Variants in EIPR1 observed in about 807,000 individuals in gnomAD.
The protein encoded by EIPR1 is EARP and GARP complex-interacting protein 1.
Under a neutral mutation model 48.1 loss-of-function variants are expected in EIPR1, and 25 were observed. That is an observed-to-expected ratio of 0.52 (90% CI 0.38 to 0.73). The LOEUF (loss-of-function observed/expected upper bound fraction) is 0.73, where lower values mean the gene tolerates loss of function less well. Among genes scored for constraint, EIPR1 ranks in the 30% least tolerant of loss-of-function variants. The pLI, the probability that EIPR1 is intolerant of heterozygous loss-of-function variation, is 0.00. For synonymous variants in EIPR1, 204 were observed against 201.9 expected, an observed-to-expected ratio of 1.01 and a Z score of -0.09; for missense variants, 415 against 506.2, an observed-to-expected ratio of 0.82 and a Z score of 1.73.
At chr2:3,227,062 T>G (rs984962758) in intron 4 of EIPR1, among the ~76,000 whole-genome samples, 1 of 152,212 alleles carries the variant, frequency 6.6e-6, no homozygotes, top group Non-Finnish European at 1.5e-5. Context: ...AAATTGGTAC[T>G]GCAGAGAGTG....
intron 1 of EIPR1, among the ~76,000 whole-genome samples, chr2:3,369,425 G>A (rs1671055127): frequency 6.6e-6 from 1 of 152,186 alleles, no homozygotes. Context: ...GCCGAAGCAG[G>A]GCGAGGCATT....
chr2:3,306,284 T>C (rs1668942628), intron 3 of EIPR1, among the ~76,000 whole-genome samples: 1 of 152,240 alleles, frequency 6.6e-6, no homozygotes, highest in Non-Finnish European at 1.5e-5. Context: ...ATTTGTTCTC[T>C]TTTCCCCCCT....
rs1330550716 is a variant in EIPR1 at position 3,317,677 on chromosome 2, C to T, written c.259+20340G>A. 2.0e-5 allele frequency among the ~76,000 whole-genome samples: 3 copies of T among 152,326 alleles called. No homozygotes were observed. In the East Asian group the frequency reaches 5.8e-4, roughly 29 times the overall value. On this transcript the variant is annotated intron_variant, in intron 3 of 8. Transcript: ENST00000382125. ...TAATTCATACACTGAAGCCCTAGAC[C>T]CAGTGTGACTGTACTGGAGACAGAG...
At chr2:3,269,602 C>CA (rs1667633278) in intron 3 of EIPR1, among the ~76,000 whole-genome samples, 2 of 74,958 alleles carry the variant, frequency 2.7e-5, no homozygotes, top group Non-Finnish European at 2.7e-5. Context: ...CGCACTCAAT[C>CA]GCACTCAATC....
At chr2:3,341,385 G>A (rs1670242697) in intron 2 of EIPR1, among the ~76,000 whole-genome samples, 1 of 152,198 alleles carries the variant, frequency 6.6e-6, no homozygotes, top group South Asian at 2.1e-4. Flanking sequence ...CAGTGACACG[G>A]GTGCACGTGG....
At chr2:3,197,127 T>TA in intron 5 of EIPR1, 110 bp from the exon 6 acceptor site, 4 of 1,223,924 alleles carry the variant, frequency 3.3e-6, no homozygotes, top group Non-Finnish European at 4.5e-6. Flanking sequence ...TTGAAAATAA[T>TA]TACTGAGGAT....
intron 4 of EIPR1, among the ~76,000 whole-genome samples, chr2:3,215,556 T>C (rs949323243): frequency 6.6e-6 from 1 of 152,220 alleles, no homozygotes; most frequent in Admixed American, 6.5e-5. Context: ...GGACCAAGAA[T>C]TTTTCAACAT....
intron 3 of EIPR1, among the ~76,000 whole-genome samples, chr2:3,310,652 C>CAAAAAA (rs751422009): frequency 3.6e-5 from 2 of 55,274 alleles, no homozygotes; most frequent in Non-Finnish European, 8.0e-5. Flanking sequence ...GACTCCGTCT[C>CAAAAAA]AAAAAAAAAA....
intron 3 of EIPR1, among the ~76,000 whole-genome samples, chr2:3,321,822 C>T (rs1036659687): frequency 6.6e-6 from 1 of 152,176 alleles, no homozygotes; most frequent in Non-Finnish European, 1.5e-5. Flanking sequence ...ACGTCCTGGA[C>T]CAGGCGGGCA....
chr2:3,340,276 A>G (rs753635265), intron 2 of EIPR1, among the ~76,000 whole-genome samples: 5 of 152,234 alleles, frequency 3.3e-5, no homozygotes, highest in Non-Finnish European at 7.3e-5. Context: ...GCTGAACCAC[A>G]ATCTCCCAGG....
At chr2:3,199,737 C>G (rs369749177) in intron 5 of EIPR1, among the ~76,000 whole-genome samples, 25 of 116,822 alleles carry the variant, frequency 2.1e-4, no homozygotes, top group South Asian at 2.9e-4. Context: ...CATCTGGGCA[C>G]GCATGGGGAG....
At chr2:3,257,510 C>G in intron 3 of EIPR1, 55 bp from the exon 4 acceptor site, 5 of 1,589,644 alleles carry the variant, frequency 3.1e-6, no homozygotes, top group Non-Finnish European at 4.3e-6. Context: ...GCCCCGCATT[C>G]TGCAGACAGC....
In EIPR1 at chr2:3,192,514, C is replaced by T. The variant is rs1416249215; in HGVS notation, c.889G>A (p.Val297Ile). The change falls in exon 8 of 9, where the codon GTC (valine) becomes ATC (isoleucine). Residue 297 changes from valine to isoleucine, a missense_variant. By Grantham distance (29) the Val-to-Ile change is conservative. Transcript: ENST00000382125. The part of the protein sequence containing the change: ...LVLTGSSDSR[V>I]ILSNMVSISS... ...ATGGACACCATGTTGGAAAGGATGA[C>T]TCTGCTGTCACTGCTGCCCGTGAGG... 3 of 1,613,142 alleles carry T rather than the reference C, an allele frequency of 1.9e-6. No individual in the cohort carries two copies. In the South Asian group the frequency reaches 3.3e-5, roughly 18 times the overall value.
chr2:3,290,641 A>G (rs1259941452), intron 3 of EIPR1, among the ~76,000 whole-genome samples: 1 of 152,170 alleles, frequency 6.6e-6, no homozygotes, highest in Non-Finnish European at 1.5e-5. Context: ...ATGGCTCTCT[A>G]AAGAGGAGGG....
At chr2:3,363,709 A>T (rs1670904532) in intron 1 of EIPR1, among the ~76,000 whole-genome samples, 1 of 152,100 alleles carries the variant, frequency 6.6e-6, no homozygotes, top group Admixed American at 6.6e-5. Flanking sequence ...ATAAGAAAAG[A>T]AAAGAAGACA....
At chr2:3,290,668 C>T (rs1199191205) in intron 3 of EIPR1, among the ~76,000 whole-genome samples, 2 of 151,874 alleles carry the variant, frequency 1.3e-5, no homozygotes, top group East Asian at 1.9e-4. Context: ...GGGCAGGTGG[C>T]GGGGGTGTGG....
chr2:3,358,095 T>C (rs939779867), intron 1 of EIPR1, among the ~76,000 whole-genome samples: 1 of 152,122 alleles, frequency 6.6e-6, no homozygotes, highest in Non-Finnish European at 1.5e-5. Context: ...CCCCTTCCCA[T>C]ACGGAGCTCC....
intron 3 of EIPR1, among the ~76,000 whole-genome samples, chr2:3,305,788 A>G (rs1668924458): frequency 6.6e-6 from 1 of 152,208 alleles, no homozygotes; most frequent in Admixed American, 6.5e-5. Flanking sequence ...ATTTATGTCT[A>G]TATCCAGACA....
At chr2:3,319,046 G>A in intron 3 of EIPR1, 2 of 445,020 alleles carry the variant, frequency 4.5e-6, no homozygotes, top group Non-Finnish European at 9.4e-6. Flanking sequence ...TACTTCTAAA[G>A]ACAGAAAGGA....
Sources: gnomAD v4.1 joint callset for allele counts (sites outside exome capture counted in the v4.1 genomes callset) on GRCh38, gnomAD v4.1.1 for gene constraint, MANE v1.5 for transcripts, NCBI Gene and HGNC (gene_info 2026-07-23, HGNC 2026-07-21) for gene names.